MEGF10: variants seen among roughly 807,000 people sequenced by gnomAD.
The protein encoded by MEGF10 is multiple epidermal growth factor-like domains protein 10.
A neutral mutation model predicts 147.5 loss-of-function variants in MEGF10; 86 were observed. That is an observed-to-expected ratio of 0.58 (90% CI 0.49 to 0.70). The LOEUF (loss-of-function observed/expected upper bound fraction) is 0.70. MEGF10 is among the 30% of genes least tolerant of loss of function. The pLI, the probability that MEGF10 is intolerant of heterozygous loss-of-function variation, is 0.00. For synonymous variants in MEGF10, 478 were observed against 525.5 expected (o/e 0.91, Z 1.24); for missense variants, 1,329 against 1,487.3 (o/e 0.89, Z 1.75).
chr5:127,402,754 C>T, intron 8 of MEGF10, 72 bp downstream of exon 8: 1 of 1,512,208 alleles, frequency 6.6e-7, no homozygotes, highest in East Asian at 2.3e-5. Context: ...GTCCGGGGAG[C>T]ATCTTCAATA....
intron 22 of MEGF10, among the ~76,000 whole-genome samples, chr5:127,449,445 A>G (rs1766074373): frequency 6.6e-6 from 1 of 152,216 alleles, no homozygotes; most frequent in Non-Finnish European, 1.5e-5. Context: ...GAATTGATCA[A>G]AAGAGATTGG....
In MEGF10 at chr5:127,331,332, C is replaced by G; in HGVS notation, c.24C>G (p.Cys8Trp). Residue 8 changes from cysteine to tryptophan, a missense_variant, in exon 2 of 25, where the codon TGC becomes TGG. Transcript: ENST00000503335. ...AAATGGTTATTTCTTTGAACTCATG[C>G]CTGAGCTTTATTTGTTTATTGTTAT... MVISLNSCLSFICLLLCH... is the reference protein window; with the variant it reads MVISLNSWLSFICLLLCH... 6.2e-7 allele frequency: 1 copy of G among 1,611,958 alleles called. No individual in the cohort carries two copies.
intron 22 of MEGF10, among the ~76,000 whole-genome samples, chr5:127,451,664 G>A (rs965098788): frequency 6.6e-6 from 1 of 152,222 alleles, no homozygotes; most frequent in African/African-American, 2.4e-5. Context: ...CGGCATCACT[G>A]TACTGGTCAC....
chr5:127,371,209 G>C (rs2126863878), intron 5 of MEGF10, among the ~76,000 whole-genome samples: 1 of 145,702 alleles, frequency 6.9e-6, no homozygotes, highest in East Asian at 2.0e-4. Context: ...GTGTGTGTGT[G>C]TGTGTGTGTG....
At chr5:127,411,013 G>A (rs75748021) in intron 9 of MEGF10, among the ~76,000 whole-genome samples, 2,815 of 151,986 alleles carry the variant, frequency 0.019, 55 homozygotes, top group South Asian at 0.08. Flanking sequence ...TCTTTTATTC[G>A]ACAGCACATC....
chr5:127,357,363 T>C (rs1762313106), intron 4 of MEGF10, among the ~76,000 whole-genome samples: 2 of 152,078 alleles, frequency 1.3e-5, no homozygotes, highest in South Asian at 2.1e-4. Context: ...TGATGTGAAA[T>C]TCAAAATAAC....
At chr5:127,315,209 A>G (rs540572317) in intron 1 of MEGF10, among the ~76,000 whole-genome samples, 2 of 152,212 alleles carry the variant, frequency 1.3e-5, no homozygotes, top group East Asian at 1.9e-4. Flanking sequence ...AGTTATCAGA[A>G]CCTGCTTAAA....
At chr5:127,358,608 T>C (rs1202313154) in intron 4 of MEGF10, among the ~76,000 whole-genome samples, 1 of 152,184 alleles carries the variant, frequency 6.6e-6, no homozygotes, top group African/African-American at 2.4e-5. Context: ...ATGCTTTCCT[T>C]ATAGACACAG....
At chr5:127,391,102 G>GCGCACACACA (rs1426600414) in intron 5 of MEGF10, among the ~76,000 whole-genome samples, 41 of 53,932 alleles carry the variant, frequency 7.6e-4, no homozygotes, top group Admixed American at 2.2e-3. Context: ...GCGCGCGCGC[G>GCGCACACACA]CACACACACA....
Position 127,398,656 on chromosome 5 carries a change from G to A in MEGF10, c.660-20G>A, listed in dbSNP as rs780144610. ...TGTCTGGGAAATAACAGTGTCCTTT[G>A]TCACATGTTAATCCCTCAGCTGTGA... is the stretch of plus-strand genomic sequence containing the variant. On this transcript the variant is annotated intron_variant, in intron 6 of 24. Transcript: ENST00000503335. The A allele has an allele frequency of 5.6e-6, 9 of 1,613,966 alleles. No individual in the cohort carries two copies. In the East Asian group the frequency reaches 2.0e-4, roughly 36 times the overall value.
At chr5:127,280,999 T>C in the MEGF10 span, among the ~76,000 whole-genome samples, 1 of 152,178 alleles carries the variant, frequency 6.6e-6, no homozygotes, top group Non-Finnish European at 1.5e-5. Flanking sequence ...AGAATTCTTT[T>C]GGCAGCTCAG....
chr5:127,257,978 C>A, the MEGF10 span, among the ~76,000 whole-genome samples: 6 of 152,088 alleles, frequency 3.9e-5, no homozygotes, highest in Non-Finnish European at 8.8e-5. Context: ...CTATCAAGTG[C>A]TCAACTAAAG....
At chr5:127,335,465 A>T (rs201823759) in intron 2 of MEGF10, among the ~76,000 whole-genome samples, 1 of 152,216 alleles carries the variant, frequency 6.6e-6, no homozygotes, top group South Asian at 2.1e-4. Context: ...AGTGGCCGTG[A>T]TAAAGACCAG....
At chr5:127,398,547 GTTAA>G (rs1319087437) in intron 6 of MEGF10, 125 bp from the exon 7 acceptor site, 1 of 1,077,664 alleles carries the variant, frequency 9.3e-7, no homozygotes, top group Non-Finnish European at 1.4e-6. Context: ...TGTTCTTGAT[GTTAA>G]TTAATTAAAT....
Position 127,340,513 on chromosome 5 carries a change from T to G in MEGF10, c.219-17T>G. 6.2e-7 allele frequency: 1 copy of G among 1,600,626 alleles called. No homozygotes were observed. Among genetic ancestry groups the G allele is most frequent in the South Asian group, 1.1e-5 (1 of 90,400 alleles). Reference sequence around the variant, plus strand: ...GACTTTTATTATGTTTAATAGCTAATTTTTCCTTCTCTATAGAGTCAGCTA... The same window carrying G: ...GACTTTTATTATGTTTAATAGCTAAGTTTTCCTTCTCTATAGAGTCAGCTA... On this transcript the variant is annotated splice_polypyrimidine_tract_variant and intron_variant, in intron 3 of 24. Coordinates refer to ENST00000503335, the MANE Select transcript of MEGF10 (RefSeq NM_001256545.2).
chr5:127,309,791 T>C (rs1760181251), intron 1 of MEGF10, among the ~76,000 whole-genome samples: 1 of 152,076 alleles, frequency 6.6e-6, no homozygotes, highest in Admixed American at 6.6e-5. Flanking sequence ...TTTCAATTCT[T>C]TTTTGGGTAT....
intron 1 of MEGF10, among the ~76,000 whole-genome samples, chr5:127,310,386 C>G (rs547402715): frequency 6.6e-6 from 1 of 152,000 alleles, no homozygotes; most frequent in African/African-American, 2.4e-5. Flanking sequence ...TTGATAGTGT[C>G]CTTTGTTGCA....
At chr5:127,447,296 C>T (rs1010039982) in intron 20 of MEGF10, among the ~76,000 whole-genome samples, 2 of 152,152 alleles carry the variant, frequency 1.3e-5, no homozygotes, top group Non-Finnish European at 2.9e-5. Flanking sequence ...CTGCCTCAGC[C>T]TCCCGAGTAG....
At chr5:127,269,220 G>A in the MEGF10 span, among the ~76,000 whole-genome samples, 7,637 of 152,292 alleles carry the variant, frequency 0.05, 320 homozygotes, top group African/African-American at 0.11. Context: ...CGCCAGCAAT[G>A]GAACAAAGCT....
Sources: gnomAD v4.1 joint callset for allele counts (sites outside exome capture counted in the v4.1 genomes callset) on GRCh38, gnomAD v4.1.1 for gene constraint, MANE v1.5 for transcripts, NCBI Gene and HGNC (gene_info 2026-07-23, HGNC 2026-07-21) for gene names.